The following HECTD4 variants were observed in gnomAD, a reference collection of about 807,000 sequenced individuals.
The protein encoded by HECTD4 is probable E3 ubiquitin-protein ligase HECTD4.
A neutral mutation model predicts 471.5 loss-of-function variants in HECTD4; 114 were observed. The observed-to-expected ratio is 0.24, with a 90% CI of 0.21 to 0.28. The LOEUF (loss-of-function observed/expected upper bound fraction) is 0.28, where lower values mean the gene tolerates loss of function less well. Among genes scored for constraint, HECTD4 ranks in the 10% least tolerant of loss-of-function variants. The pLI, the probability that HECTD4 is intolerant of heterozygous loss-of-function variation, is 1.00. For missense variants in HECTD4, 3,866 were observed against 5,651.5 expected, an observed-to-expected ratio of 0.68 and a Z score of 10.13; for synonymous variants, 2,012 against 2,256.0, an observed-to-expected ratio of 0.89 and a Z score of 3.07.
chr12:112,260,610 TCTGTCAC>T (rs1198667985), intron 18 of HECTD4, among the ~76,000 whole-genome samples: 3 of 151,224 alleles, frequency 2.0e-5, no homozygotes, highest in Non-Finnish European at 4.4e-5. Context: ...AGAGTCTCGC[TCTGTCAC>T]CCAGGCTGGA....
chr12:112,192,052 A>G (rs2032096446), intron 59 of HECTD4, among the ~76,000 whole-genome samples: 1 of 152,208 alleles, frequency 6.6e-6, no homozygotes, highest in Non-Finnish European at 1.5e-5. Flanking sequence ...GTTTCAGGGC[A>G]TGTGGAGGCA....
At chr12:112,238,645 A>G (rs1396854760) in intron 34 of HECTD4, among the ~76,000 whole-genome samples, 1 of 152,046 alleles carries the variant, frequency 6.6e-6, no homozygotes, top group African/African-American at 2.4e-5. Flanking sequence ...GGGATCTCTT[A>G]TCATTTGAGC....
chr12:112,230,018 C>A, intron 40 of HECTD4, 138 bp from the exon 41 acceptor site: 1 of 697,726 alleles, frequency 1.4e-6, no homozygotes. Flanking sequence ...AAAAAACTAT[C>A]AGGTATGGCC....
At chr12:112,251,959 A>G (rs2033899311) in intron 23 of HECTD4, among the ~76,000 whole-genome samples, 1 of 152,092 alleles carries the variant, frequency 6.6e-6, no homozygotes, top group African/African-American at 2.4e-5. Context: ...TTTAGTAGAG[A>G]CGGGGTTTCA....
intron 13 of HECTD4, among the ~76,000 whole-genome samples, chr12:112,269,036 G>A (rs1191628365): frequency 4.6e-5 from 7 of 150,852 alleles, no homozygotes; most frequent in Admixed American, 1.3e-4. Flanking sequence ...CACCATGCCC[G>A]GCTAATTTTT....
chr12:112,182,976 G>A, intron 62 of HECTD4, 83 bp downstream of exon 62: 2 of 942,372 alleles, frequency 2.1e-6, no homozygotes, highest in South Asian at 1.5e-5. Flanking sequence ...GGGAGGGGAG[G>A]AGATTTTAAT....
At chr12:112,306,276 A>C in intron 6 of HECTD4, 42 bp from the exon 7 acceptor site, 1 of 1,398,352 alleles carries the variant, frequency 7.2e-7, no homozygotes, top group East Asian at 2.6e-5. Flanking sequence ...AGCCACATAT[A>C]AATTCTGATT....
intron 32 of HECTD4, among the ~76,000 whole-genome samples, chr12:112,241,304 T>A (rs2033637744): frequency 1.3e-5 from 2 of 152,200 alleles, no homozygotes; most frequent in South Asian, 4.1e-4. Flanking sequence ...CCTATTTCTT[T>A]CTGGGCACCC....
chr12:112,330,168 T>C (rs574097836), intron 1 of HECTD4, among the ~76,000 whole-genome samples: 1 of 151,904 alleles, frequency 6.6e-6, no homozygotes, highest in Non-Finnish European at 1.5e-5. Flanking sequence ...TCCCAGCTAC[T>C]TGGGACGCTG....
At chr12:112,283,446 C>CTA in intron 7 of HECTD4, 144 bp from the exon 8 acceptor site, 2 of 599,486 alleles carry the variant, frequency 3.3e-6, no homozygotes, top group Non-Finnish European at 5.8e-6. Flanking sequence ...CTTAAATGTG[C>CTA]TATAGAAACT....
At chr12:112,288,766 C>A (rs1395180134) in intron 7 of HECTD4, among the ~76,000 whole-genome samples, 1 of 152,190 alleles carries the variant, frequency 6.6e-6, no homozygotes, top group South Asian at 2.1e-4. Flanking sequence ...GAGAGAGGCC[C>A]TAGAGGATGA....
chr12:112,235,284 A>G lies in HECTD4; in HGVS notation c.5726-18T>C. 6.3e-7 allele frequency: 1 copy of G among 1,598,902 alleles called. No individual in the cohort carries two copies. The highest frequency in any genetic ancestry group is 8.5e-7 in the Non-Finnish European group (1 of 1,173,378). On this transcript the variant is annotated intron_variant, in intron 36 of 75. Transcript: ENST00000682272. This position sits in a 1 kb window ranked among gnomAD's most constrained non-coding sequence, Gnocchi z 5.0. ...CTGACATCCTTTAAGCAAAAAACAA[A>G]GCTCATTCAGGAAAACTGCAGTGTT...
intron 20 of HECTD4, chr12:112,258,231 CATAAT>C: frequency 3.7e-6 from 1 of 271,148 alleles, no homozygotes; most frequent in Non-Finnish European, 6.8e-6. Context: ...CTGCCAAAGT[CATAAT>C]ATTTTACATC....
intron 1 of HECTD4, among the ~76,000 whole-genome samples, chr12:112,369,148 G>A (rs1254766005): frequency 3.9e-5 from 6 of 152,024 alleles, no homozygotes; most frequent in African/African-American, 9.7e-5. Flanking sequence ...AGCCTATGCC[G>A]GGACAAGAAG....
chr12:112,302,620 GC>G, intron 7 of HECTD4: 2 of 636,206 alleles, frequency 3.1e-6, no homozygotes, highest in Non-Finnish European at 2.8e-6. Context: ...CTTCACAACA[GC>G]AGGGGCCGGG....
At chr12:112,195,899 C>T (rs1262477979) in intron 55 of HECTD4, among the ~76,000 whole-genome samples, 1 of 152,234 alleles carries the variant, frequency 6.6e-6, no homozygotes, top group African/African-American at 2.4e-5. Flanking sequence ...CAATGGCTTA[C>T]ACCTGTAATT....
chr12:112,193,063 T>C lies in HECTD4; in HGVS notation c.9084A>G (p.Lys3028=). The C allele has an allele frequency of 6.2e-7, 1 of 1,614,028 alleles. No individual in the cohort carries two copies. The highest frequency in any genetic ancestry group is 8.5e-7 in the Non-Finnish European group (1 of 1,179,890). The change falls in exon 58 of 76, where the codon AAA becomes AAG. Residue 3028 remains lysine (K), a splice_region_variant and synonymous_variant. Transcript: ENST00000682272. The surrounding 1 kb of genome is among the most constrained non-coding windows in gnomAD (Gnocchi z 5.2). Reference sequence around the variant, plus strand: ...CTTCTTGAGAACAGGCAACTTACTCTTTGCGGAATCCAGATTGACTTTCTT... The same window carrying C: ...CTTCTTGAGAACAGGCAACTTACTCCTTGCGGAATCCAGATTGACTTTCTT... The part of the protein sequence containing the change: ...SCKESQSGFR[K]DSSLYKAPWA...
intron 11 of HECTD4, among the ~76,000 whole-genome samples, chr12:112,272,566 C>G (rs1320263284): frequency 6.6e-6 from 1 of 152,198 alleles, no homozygotes; most frequent in Non-Finnish European, 1.5e-5. Context: ...CTGTTGGGCC[C>G]TCTCACATCT....
intron 1 of HECTD4, among the ~76,000 whole-genome samples, chr12:112,325,812 C>A (rs1018752766): frequency 7.4e-5 from 11 of 149,620 alleles, no homozygotes; most frequent in African/African-American, 2.5e-4. Context: ...GTTTTGTTGC[C>A]GTTTTTTTTT....
Sources: allele counts gnomAD v4.1 joint callset (sites outside exome capture counted in the v4.1 genomes callset), GRCh38; gene constraint gnomAD v4.1.1; non-coding constraint Gnocchi (gnomAD v3.1); transcripts MANE v1.5; gene names NCBI Gene and HGNC (gene_info 2026-07-23, HGNC 2026-07-21).